SLC12A8: variants seen among roughly 807,000 people sequenced by gnomAD.
SLC12A8 encodes the protein cation-chloride cotransporter 9.
SLC12A8 carries 69 observed loss-of-function variants against 75.6 expected under a neutral mutation model. The ratio of observed to expected loss-of-function variants is 0.91; its 90% CI spans 0.75 to 1.11. The LOEUF is 1.11. Ranked by LOEUF, SLC12A8 falls within the 50% of genes most tolerant of loss-of-function variation. The probability of loss-of-function intolerance (pLI) is 0.00; values close to 1 mark genes in which losing one functional copy is unlikely to be tolerated. For missense variants in SLC12A8, 877 were observed against 896.7 expected, an observed-to-expected ratio of 0.98 and a Z score of 0.28; for synonymous variants, 365 against 372.8, an observed-to-expected ratio of 0.98 and a Z score of 0.24.
At chr3:125,156,577 G>A (rs557359415) in intron 5 of SLC12A8, among the ~76,000 whole-genome samples, 4 of 152,314 alleles carry the variant, frequency 2.6e-5, no homozygotes, top group Admixed American at 6.5e-5. Flanking sequence ...TCCCGATGGC[G>A]GTGGTGGACC....
chr3:125,185,844 C>T (rs568019029), intron 4 of SLC12A8, among the ~76,000 whole-genome samples: 2 of 152,366 alleles, frequency 1.3e-5, no homozygotes, highest in Admixed American at 1.3e-4. Context: ...ACCAGGGGGA[C>T]TCTAATGTTT....
At chr3:125,166,827 G>C (rs934204458) in intron 5 of SLC12A8, among the ~76,000 whole-genome samples, 2 of 152,156 alleles carry the variant, frequency 1.3e-5, no homozygotes, top group African/African-American at 4.8e-5. Context: ...CAAGTGAAAG[G>C]ATCCATGCGG....
intron 5 of SLC12A8, among the ~76,000 whole-genome samples, chr3:125,147,374 C>T (rs953872538): frequency 6.6e-6 from 1 of 152,218 alleles, no homozygotes; most frequent in Non-Finnish European, 1.5e-5. Context: ...CTGGCAGGGG[C>T]ACTCTGCTCT....
At chr3:125,118,159 C>T (rs984217678) in intron 8 of SLC12A8, among the ~76,000 whole-genome samples, 7 of 152,256 alleles carry the variant, frequency 4.6e-5, no homozygotes, top group African/African-American at 1.7e-4. Flanking sequence ...GCAGATTCTT[C>T]TGTTTCTGTC....
chr3:125,106,356 T>TTTTTTTTTTG, intron 10 of SLC12A8, among the ~76,000 whole-genome samples: 1 of 151,944 alleles, frequency 6.6e-6, no homozygotes, highest in Non-Finnish European at 1.5e-5. Context: ...TTTGGGGTTT[T>TTTTTTTTTTG]TTGTTGTTGT....
chr3:125,188,110 G>T (rs897453443), intron 3 of SLC12A8, among the ~76,000 whole-genome samples: 8 of 152,186 alleles, frequency 5.3e-5, no homozygotes, highest in African/African-American at 1.9e-4. Flanking sequence ...GGTCATGGGG[G>T]TGGACCCCTC....
At chr3:125,117,102 C>T (rs1432725865) in intron 8 of SLC12A8, among the ~76,000 whole-genome samples, 3 of 152,138 alleles carry the variant, frequency 2.0e-5, no homozygotes, top group Non-Finnish European at 4.4e-5. Context: ...AGGGCAAGAC[C>T]CTTGAAAACA....
intron 8 of SLC12A8, among the ~76,000 whole-genome samples, chr3:125,112,170 T>C (rs375961523): frequency 1.3e-5 from 2 of 152,284 alleles, no homozygotes; most frequent in East Asian, 3.9e-4. Flanking sequence ...GTCAGGAAGG[T>C]CAGATGCTTG....
At chr3:125,085,754 T>C (rs1938442992) in intron 13 of SLC12A8, among the ~76,000 whole-genome samples, 3 of 151,720 alleles carry the variant, frequency 2.0e-5, no homozygotes, top group Admixed American at 2.0e-4. Context: ...CTTTTGTATT[T>C]TTAGTAGAGA....
chr3:125,160,651 C>T (rs772349224), intron 5 of SLC12A8, among the ~76,000 whole-genome samples: 6 of 152,190 alleles, frequency 3.9e-5, no homozygotes, highest in Non-Finnish European at 7.3e-5. Context: ...TAAGTCTTTT[C>T]ACACTCAGGA....
At chr3:125,138,074 A>C (rs1207284544) in intron 5 of SLC12A8, among the ~76,000 whole-genome samples, 1 of 152,178 alleles carries the variant, frequency 6.6e-6, no homozygotes, top group Non-Finnish European at 1.5e-5. Context: ...TATGGACAAA[A>C]ATATGTGTCA....
chr3:125,107,473 G>A lies in SLC12A8; in HGVS notation c.1705+8C>T, dbSNP rs1428655347. 4 of 1,598,604 alleles carry A rather than the reference G, an allele frequency of 2.5e-6. No individual in the cohort carries two copies. Among genetic ancestry groups the A allele is most frequent in the East Asian group, 2.2e-5 (1 of 44,506 alleles). Reference sequence around the variant, plus strand: ...TAAGAGGCCCCAGTGTGATACCAGAGCACTCACCTTCTCCACTGGACTCTG... The same window carrying A: ...TAAGAGGCCCCAGTGTGATACCAGAACACTCACCTTCTCCACTGGACTCTG... On this transcript the variant is annotated splice_region_variant and intron_variant, in intron 10 of 13. Transcript: ENST00000469902.
intron 5 of SLC12A8, among the ~76,000 whole-genome samples, chr3:125,142,398 T>TA (rs1404932130): frequency 9.9e-5 from 15 of 152,136 alleles, no homozygotes; most frequent in Non-Finnish European, 2.2e-4. Flanking sequence ...GTGAAGCAGT[T>TA]ACAGGTTATC....
At position 125,162,962 on chromosome 3, in the gene SLC12A8, G is replaced by C. The variant is rs570865773; in HGVS notation, c.622+14781C>G. 4.6e-5 allele frequency among the ~76,000 whole-genome samples: 7 copies of C among 152,172 alleles called. No individual in the cohort carries two copies. In the East Asian group the frequency reaches 1.4e-3, roughly 29 times the overall value. ...AAGAGTCAGAGTCAGAAAGGGATGGGAAGAAAGAAAAAGAAAAAAAGACAG... is the reference window on the plus strand; with the variant it reads ...AAGAGTCAGAGTCAGAAAGGGATGGCAAGAAAGAAAAAGAAAAAAAGACAG... On this transcript the variant is annotated intron_variant, in intron 5 of 13. Coordinates refer to ENST00000469902, the MANE Select transcript of SLC12A8 (RefSeq NM_024628.6).
intron 9 of SLC12A8, 107 bp downstream of exon 9, chr3:125,110,082 T>C (rs955754469): frequency 1.1e-5 from 13 of 1,191,540 alleles, no homozygotes; most frequent in African/African-American, 4.6e-5. Flanking sequence ...CCCAAAGAAA[T>C]TGACCAGAGG....
chr3:125,119,023 T>C (rs1932981064), intron 7 of SLC12A8, 167 bp from the exon 8 acceptor site: 1 of 525,210 alleles, frequency 1.9e-6, no homozygotes, highest in Non-Finnish European at 3.5e-6. Context: ...TTTGTACTAT[T>C]TCTCTTCTGG....
At chr3:125,141,523 C>T (rs1193738830) in intron 5 of SLC12A8, among the ~76,000 whole-genome samples, 2 of 152,232 alleles carry the variant, frequency 1.3e-5, no homozygotes, top group Non-Finnish European at 2.9e-5. Flanking sequence ...GTGGCACCTG[C>T]GGTGCCCCCG....
rs1579455484 is a variant in SLC12A8 at position 125,083,183 on chromosome 3, T to C, written c.*707A>G. 6.6e-6 allele frequency: 1 copy of C among 152,226 alleles called. No homozygotes were observed. The highest frequency in any genetic ancestry group is 6.5e-5 in the Admixed American group (1 of 15,278). 9.4% of individuals were successfully genotyped at this position (152,226 alleles called of 1,614,324 possible). On this transcript the variant is annotated 3_prime_UTR_variant, in exon 14 of 14. Transcript: ENST00000469902. ...GGTGTGGAAACATGTGAGTGTATTA[T>C]TTATTTTTGAATAAATAATACAATA...
chr3:125,120,006 G>A (rs547464444), intron 7 of SLC12A8: 16 of 418,058 alleles, frequency 3.8e-5, no homozygotes, highest in South Asian at 2.8e-4. Flanking sequence ...TGACGGCCTG[G>A]GGGAGCTGGA....
Sources: gnomAD v4.1 joint callset for allele counts (sites outside exome capture counted in the v4.1 genomes callset) on GRCh38, gnomAD v4.1.1 for gene constraint, MANE v1.5 for transcripts, NCBI Gene and HGNC (gene_info 2026-07-23, HGNC 2026-07-21) for gene names.